Variants in TRIM42 observed in about 807,000 individuals in gnomAD.
TRIM42 encodes tripartite motif-containing protein 42.
A neutral mutation model predicts 64.9 loss-of-function variants in TRIM42; 59 were observed. The ratio of observed to expected loss-of-function variants is 0.91; its 90% confidence interval spans 0.74 to 1.13. TRIM42 has a LOEUF of 1.13. TRIM42 is among the 50% of genes most tolerant of loss of function. The probability of loss-of-function intolerance (pLI) is 0.00; values close to 1 mark genes in which losing one functional copy is unlikely to be tolerated. For missense variants in TRIM42, 878 were observed against 929.5 expected (o/e 0.94, Z 0.72); for synonymous variants, 354 against 346.3 (o/e 1.02, Z -0.25).
chr3:140,698,430 G>T (rs772018267), intron 4 of TRIM42, among the ~76,000 whole-genome samples: 1 of 152,080 alleles, frequency 6.6e-6, no homozygotes, highest in Non-Finnish European at 1.5e-5. Context: ...GAGATCTAAC[G>T]TACAGCATGA....
At chr3:140,699,896 CTTCT>C (rs1386261953) in intron 4 of TRIM42, among the ~76,000 whole-genome samples, 4 of 152,196 alleles carry the variant, frequency 2.6e-5, no homozygotes, top group African/African-American at 9.7e-5. Context: ...AAGGGTCTGG[CTTCT>C]TTGTTTTTGC....
chr3:140,685,100 A>T (rs1376250853), intron 2 of TRIM42, among the ~76,000 whole-genome samples: 1 of 152,234 alleles, frequency 6.6e-6, no homozygotes, highest in African/African-American at 2.4e-5. Context: ...TGCTGAAGAA[A>T]CAGACACACA....
chr3:140,694,755 C>G (rs1255219546), intron 4 of TRIM42, among the ~76,000 whole-genome samples: 1 of 152,150 alleles, frequency 6.6e-6, no homozygotes, highest in Non-Finnish European at 1.5e-5. Flanking sequence ...GAATACATTT[C>G]CTTGCTTTTT....
chr3:140,687,935 T>C lies in TRIM42; in HGVS notation c.1253T>C (p.Met418Thr). 6.2e-7 allele frequency: 1 copy of C among 1,614,136 alleles called. No homozygotes were observed. Among genetic ancestry groups the C allele is most frequent in the Non-Finnish European group, 8.5e-7 (1 of 1,180,016 alleles). ...GAAAAATATGTGTATGTTACAACCA[T>C]GAAAGTGAACGAGATGGATGGTCTG... ...EIEKYVYVTT[M>T]KVNEMDGLIA... The change falls in exon 3 of 5, where the codon ATG becomes ACG. Residue 418 changes from methionine to threonine, a missense_variant. Coordinates refer to ENST00000286349, the MANE Select transcript of TRIM42 (RefSeq NM_152616.5).
intron 1 of TRIM42, among the ~76,000 whole-genome samples, chr3:140,681,677 G>C (rs1245288499): frequency 6.6e-6 from 1 of 152,022 alleles, no homozygotes; most frequent in Non-Finnish European, 1.5e-5. Flanking sequence ...CACACCTGTA[G>C]TTGGACAAGA....
chr3:140,681,314 C>T (rs1036229713), intron 1 of TRIM42, among the ~76,000 whole-genome samples: 3 of 152,108 alleles, frequency 2.0e-5, no homozygotes, highest in Non-Finnish European at 4.4e-5. Flanking sequence ...ATTATAGTGG[C>T]CACATTTATT....
At position 140,678,177 on chromosome 3, in the gene TRIM42, G is replaced by C; in HGVS notation, c.-53G>C. The stretch of plus-strand genomic sequence containing the variant: ...ACTGGAGAACTGATAGCAGTATTCT[G>C]GTAGAGGAGGCATCAAGAGTCCTGG... On this transcript the variant is annotated 5_prime_UTR_variant, in exon 1 of 5. Coordinates refer to ENST00000286349, the MANE Select transcript of TRIM42 (RefSeq NM_152616.5). 2 of 1,465,754 alleles carry C rather than the reference G, an allele frequency of 1.4e-6. No individual in the cohort carries two copies. The highest frequency in any genetic ancestry group is 1.2e-5 in the South Asian group (1 of 82,224). 90.8% of individuals were successfully genotyped at this position (1,465,754 alleles called of 1,614,324 possible).
intron 1 of TRIM42, 91 bp from the exon 2 acceptor site, chr3:140,682,371 C>T: frequency 7.6e-7 from 1 of 1,310,340 alleles, no homozygotes; most frequent in East Asian, 2.3e-5. Context: ...CTAGACTGCC[C>T]CTCAGGAACC....
intron 4 of TRIM42, among the ~76,000 whole-genome samples, chr3:140,695,715 T>A (rs998256210): frequency 2.0e-5 from 3 of 152,162 alleles, no homozygotes; most frequent in African/African-American, 7.2e-5. Flanking sequence ...CTCTTCCTGC[T>A]GCAGACTCTC....
At chr3:140,687,613 C>T (rs1401700238) in intron 2 of TRIM42, 109 bp from the exon 3 acceptor site, 2 of 803,894 alleles carry the variant, frequency 2.5e-6, no homozygotes, top group Non-Finnish European at 1.9e-6. Flanking sequence ...CCTTCCCTCC[C>T]TCTTCATTCA....
At chr3:140,696,300 T>C (rs1988847454) in intron 4 of TRIM42, among the ~76,000 whole-genome samples, 1 of 152,064 alleles carries the variant, frequency 6.6e-6, no homozygotes, top group South Asian at 2.1e-4. Context: ...ACTTTGTTTC[T>C]TACCTTTTTT....
In TRIM42 at chr3:140,682,844, C is replaced by T. The variant is rs768783789; in HGVS notation, c.724C>T (p.Arg242Cys). Residue 242 changes from arginine (R) to cysteine (C), a missense_variant, in exon 2 of 5, where the codon CGC (arginine) becomes TGC (cysteine). By Grantham distance (180) the Arg-to-Cys change is radical. Transcript: ENST00000286349. Reference sequence around the variant, plus strand: ...CGGGCCCATCCTCTGCCAGGTCTGCCGCAACAAGCGCATCGCTTACAAGCG... The same window carrying T: ...CGGGCCCATCCTCTGCCAGGTCTGCTGCAACAAGCGCATCGCTTACAAGCG... ...SSGPILCQVC[R>C]NKRIAYKRCI... is the part of the protein sequence containing the mutation. 3.7e-6 allele frequency: 6 copies of T among 1,614,190 alleles called. No homozygotes were observed. The highest frequency in any genetic ancestry group is 2.2e-5 in the East Asian group (1 of 44,880).
At chr3:140,683,191 T>C in intron 2 of TRIM42, 32 bp downstream of exon 2, 1 of 1,607,534 alleles carries the variant, frequency 6.2e-7, no homozygotes, top group South Asian at 1.1e-5. Flanking sequence ...TCAGCCTAAC[T>C]TCTAGTTCAG....
In TRIM42 at chr3:140,701,043, G is replaced by A; in HGVS notation, c.*69G>A. On this transcript the variant is annotated 3_prime_UTR_variant, in exon 5 of 5. Transcript: ENST00000286349. ...GACATATACACACACATATATGTATGTATATTTTTCTCACCACATTCTTCA... is the reference window on the plus strand; with the variant it reads ...GACATATACACACACATATATGTATATATATTTTTCTCACCACATTCTTCA... The A allele has an allele frequency of 1.5e-6, 2 of 1,356,308 alleles. No individual in the cohort carries two copies. The highest frequency in any genetic ancestry group is 1.3e-5 in the South Asian group (1 of 76,066). The allele number at this position is 1,356,308 out of a possible 1,614,324, so 84.0% of individuals were successfully genotyped here.
chr3:140,685,499 G>A (rs1988525921), intron 2 of TRIM42, among the ~76,000 whole-genome samples: 1 of 152,160 alleles, frequency 6.6e-6, no homozygotes. Context: ...CAGAATCTCA[G>A]GACCCACCCC....
intron 1 of TRIM42, among the ~76,000 whole-genome samples, chr3:140,679,132 C>T (rs1988293684): frequency 1.3e-5 from 2 of 151,596 alleles, no homozygotes; most frequent in South Asian, 4.2e-4. Context: ...ATATAAATTG[C>T]TCTTTCTCTT....
At chr3:140,700,649 G>T (rs1988976105) in intron 4 of TRIM42, among the ~76,000 whole-genome samples, 1 of 152,204 alleles carries the variant, frequency 6.6e-6, no homozygotes, top group African/African-American at 2.4e-5. Context: ...TACCCTAAAG[G>T]GAAGTAGGAT....
chr3:140,685,275 G>A (rs1377478816), intron 2 of TRIM42, among the ~76,000 whole-genome samples: 3 of 152,190 alleles, frequency 2.0e-5, no homozygotes, highest in Non-Finnish European at 2.9e-5. Context: ...ATCCATTCTA[G>A]AAGCTTTACT....
In TRIM42 at chr3:140,682,690, G is replaced by GT; in HGVS notation, c.571dup (p.Cys191LeufsTer40). The GT allele has an allele frequency of 6.2e-7, 1 of 1,612,842 alleles. No homozygotes were observed. ...ACTTCTTCATCCTCATCTGCCCAGT[G>GT]TGCGACCGCTCGCACTGCATGCCCT... On this transcript the variant is annotated frameshift_variant, in exon 2 of 5. Coordinates refer to ENST00000286349, the MANE Select transcript of TRIM42 (RefSeq NM_152616.5). LOFTEE classifies it high-confidence loss of function.
Sources: allele counts gnomAD v4.1 joint callset (sites outside exome capture counted in the v4.1 genomes callset), GRCh38; gene constraint gnomAD v4.1.1; transcripts MANE v1.5; gene names NCBI Gene and HGNC (gene_info 2026-07-23, HGNC 2026-07-21).